The following ZCCHC8 variants were observed in gnomAD, a reference collection of about 807,000 sequenced individuals.
ZCCHC8 encodes the protein zinc finger CCHC-type containing 8, also known as zinc finger CCHC domain-containing protein 8.
A neutral mutation model predicts 70.6 loss-of-function variants in ZCCHC8; 27 were observed. That is an observed-to-expected ratio of 0.38 (90% CI 0.28 to 0.53). The LOEUF (loss-of-function observed/expected upper bound fraction) is 0.53, where lower values mean the gene tolerates loss of function less well. Among genes scored for constraint, ZCCHC8 ranks in the 20% least tolerant of loss-of-function variants. The pLI is 0.81. For synonymous variants in ZCCHC8, 293 were observed against 317.4 expected, an observed-to-expected ratio of 0.92 and a Z score of 0.82; for missense variants, 737 against 876.9, an observed-to-expected ratio of 0.84 and a Z score of 2.01.
intron 3 of ZCCHC8, chr12:122,490,840 T>C (rs1476907313): frequency 4.2e-6 from 1 of 239,064 alleles, no homozygotes; most frequent in Non-Finnish European, 8.0e-6. Flanking sequence ...TATTTAAAAA[T>C]TCTGTGTACT....
Position 122,500,668 on chromosome 12 carries a change from T to A in ZCCHC8, c.173A>T (p.Glu58Val). The change falls in exon 1 of 14, where the codon GAG (glutamate) becomes GTG (valine). Residue 58 changes from glutamate to valine, a missense_variant. Physicochemically the swap from Glu to Val is moderately radical, Grantham distance 121. Transcript: ENST00000633063. This position sits in a 1 kb window ranked among gnomAD's most constrained non-coding sequence, Gnocchi z 4.8. ...CTCGGCGCGGAGCTGCTCGATGGTC[T>A]CCTCGCACTGCCGAAGCCGCTCCCG... is the stretch of plus-strand genomic sequence containing the variant. ...ELRERLRQCE[E>V]TIEQLRAENQ... 2 of 1,580,788 alleles carry A rather than the reference T, an allele frequency of 1.3e-6. No individual in the cohort carries two copies. The highest frequency in any genetic ancestry group is 2.3e-5 in the East Asian group (1 of 43,010).
intron 13 of ZCCHC8, among the ~76,000 whole-genome samples, chr12:122,477,237 C>T (rs1199838373): frequency 6.8e-6 from 1 of 147,744 alleles, no homozygotes; most frequent in Non-Finnish European, 1.5e-5. Flanking sequence ...TCACTGCAAC[C>T]TCCACCTCCC....
In ZCCHC8 at chr12:122,500,890, T is replaced by G. The variant is rs1210997713; in HGVS notation, c.-50A>C. On this transcript the variant is annotated 5_prime_UTR_variant, in exon 1 of 14. Transcript: ENST00000633063. The surrounding 1 kb of genome is among the most constrained non-coding windows in gnomAD (Gnocchi z 4.8). ...AAGAGGCGGAGCCGGCCACCAGGGC[T>G]TGGGGAAGAAGGTTGGAAGGCGGCA... 2 of 1,539,244 alleles carry G rather than the reference T, an allele frequency of 1.3e-6. No individual in the cohort carries two copies. Among genetic ancestry groups the G allele is most frequent in the South Asian group, 2.4e-5 (2 of 83,758 alleles).
chr12:122,497,077 C>T (rs1957836716), intron 2 of ZCCHC8, among the ~76,000 whole-genome samples: 1 of 151,812 alleles, frequency 6.6e-6, no homozygotes, highest in Non-Finnish European at 1.5e-5. Flanking sequence ...TCGCTTGAAC[C>T]CAGGAGGTGG....
At chr12:122,484,070 T>C (rs1337619205) in intron 5 of ZCCHC8, 1 of 157,414 alleles carries the variant, frequency 6.4e-6, no homozygotes, top group Non-Finnish European at 1.4e-5. Context: ...TCTCTCTCTT[T>C]ACACATACAC....
chr12:122,495,200 TAGA>T (rs1424398891), intron 2 of ZCCHC8, among the ~76,000 whole-genome samples: 9 of 152,114 alleles, frequency 5.9e-5, no homozygotes, highest in Non-Finnish European at 8.8e-5. Flanking sequence ...ACAATAAAAG[TAGA>T]AGAAGGCCAG....
chr12:122,477,247 C>T (rs549140388), intron 13 of ZCCHC8, among the ~76,000 whole-genome samples: 1,619 of 147,524 alleles, frequency 0.011, 34 homozygotes, highest in African/African-American at 0.038. Context: ...CTCCACCTCC[C>T]TGGTTCATGC....
At chr12:122,478,603 C>A in intron 11 of ZCCHC8, 1 of 259,826 alleles carries the variant, frequency 3.8e-6, no homozygotes, top group Non-Finnish European at 7.4e-6. Context: ...AGTCTCTCTC[C>A]CATCAAGCAC....
rs1349273551 is a variant in ZCCHC8 at position 122,483,145 on chromosome 12, A to C, written c.671+134T>G. 1.2e-6 allele frequency: 1 copy of C among 800,278 alleles called. No homozygotes were observed. Among genetic ancestry groups the C allele is most frequent in the East Asian group, 2.7e-5 (1 of 37,508 alleles). The allele number at this position is 800,278 out of a possible 1,614,324, so 49.6% of individuals were successfully genotyped here. On this transcript the variant is annotated intron_variant, in intron 7 of 13. Transcript: ENST00000633063. The surrounding 1 kb of genome is among the most constrained non-coding windows in gnomAD (Gnocchi z 4.4). ...TTAAACATTTAACATATATGTATGG[A>C]TTAAAATTCTAGCTCAATCTGTAAT...
At chr12:122,491,952 C>T (rs1401636553) in intron 3 of ZCCHC8, among the ~76,000 whole-genome samples, 3 of 152,162 alleles carry the variant, frequency 2.0e-5, no homozygotes, top group Non-Finnish European at 4.4e-5. Flanking sequence ...AGTGCTACAG[C>T]CCAGTTGTGC....
intron 5 of ZCCHC8, among the ~76,000 whole-genome samples, chr12:122,486,412 CAAAAAAAAAA>C (rs762392385): frequency 2.0e-4 from 10 of 50,858 alleles, no homozygotes; most frequent in Admixed American, 2.7e-4. Flanking sequence ...GAGGCTGTCT[CAAAAAAAAAA>C]AAAAAAAAAA....
At chr12:122,489,975 T>C (rs1284918140) in intron 4 of ZCCHC8, among the ~76,000 whole-genome samples, 1 of 149,782 alleles carries the variant, frequency 6.7e-6, no homozygotes, top group African/African-American at 2.5e-5. Context: ...TACCTTAATT[T>C]TTAATAAAAA....
chr12:122,495,613 G>A (rs2137369592), intron 2 of ZCCHC8, among the ~76,000 whole-genome samples: 1 of 152,178 alleles, frequency 6.6e-6, no homozygotes, highest in East Asian at 1.9e-4. Flanking sequence ...ACTTTGGGAA[G>A]CCGAGGCGGG....
At chr12:122,495,740 C>A (rs548817084) in intron 2 of ZCCHC8, among the ~76,000 whole-genome samples, 1 of 150,730 alleles carries the variant, frequency 6.6e-6, no homozygotes, top group Non-Finnish European at 1.5e-5. Flanking sequence ...CCCAGCTGCT[C>A]GGGAGGCTGA....
Position 122,477,818 on chromosome 12 carries a change from C to T in ZCCHC8, c.1345+23G>A, listed in dbSNP as rs377594286. The T allele has an allele frequency of 1.6e-4, 196 of 1,250,972 alleles. No homozygotes were observed. In the African/African-American group the frequency reaches 2.6e-3, roughly 17 times the overall value. The allele number at this position is 1,250,972 out of a possible 1,614,324, so 77.5% of individuals were successfully genotyped here. A position where few individuals can be genotyped will look rare whatever the true frequency, so the allele number is the denominator to read the frequency against. ...AAAAAAAAAAAAAAAAGAGAGAAATCAGAGCCATAGGATGAAACCTACCTG... is the reference window on the plus strand; with the variant it reads ...AAAAAAAAAAAAAAAAGAGAGAAATTAGAGCCATAGGATGAAACCTACCTG... On this transcript the variant is annotated intron_variant, in intron 13 of 13. Transcript: ENST00000633063.
At position 122,500,665 on chromosome 12, in the gene ZCCHC8, G is replaced by T; in HGVS notation, c.176C>A (p.Thr59Asn). ...LRERLRQCEE[T>N]IEQLRAENQE... ...ATTCTCGGCGCGGAGCTGCTCGATG[G>T]TCTCCTCGCACTGCCGAAGCCGCTC... Residue 59 changes from threonine (T) to asparagine (N), a missense_variant, in exon 1 of 14, where the codon ACC becomes AAC. Thr to Asn is a moderately conservative substitution (Grantham distance 65, BLOSUM62 0). Transcript: ENST00000633063. The surrounding 1 kb of genome is among the most constrained non-coding windows in gnomAD (Gnocchi z 4.8). 2 of 1,580,074 alleles carry T rather than the reference G, an allele frequency of 1.3e-6. No homozygotes were observed. The highest frequency in any genetic ancestry group is 8.6e-7 in the Non-Finnish European group (1 of 1,164,218).
At position 122,478,138 on chromosome 12, in the gene ZCCHC8, G is replaced by A. The variant is rs188874646; in HGVS notation, c.1227+68C>T. 13 of 1,380,092 alleles carry A rather than the reference G, an allele frequency of 9.4e-6. No homozygotes were observed. The Middle Eastern group carries it at 5.3e-4, about 56-fold the overall frequency. The allele number at this position is 1,380,092 out of a possible 1,614,324, so 85.5% of individuals were successfully genotyped here. On this transcript the variant is annotated intron_variant, in intron 12 of 13. Transcript: ENST00000633063. Reference sequence around the variant, plus strand: ...ACAAAGCAAGAAAAGGCTGTAAGACGCTAATAAATTACACAATCTCGCAGA... The same window carrying A: ...ACAAAGCAAGAAAAGGCTGTAAGACACTAATAAATTACACAATCTCGCAGA...
Position 122,500,340 on chromosome 12 carries a change from T to A in ZCCHC8, c.199+302A>T. The A allele has an allele frequency of 1.0e-5, 4 of 390,858 alleles. 1 individual carries two copies. In the South Asian group the frequency reaches 1.3e-4, roughly 13 times the overall value. 24.2% of individuals were successfully genotyped at this position (390,858 alleles called of 1,614,324 possible). ...ACAGAGGGGGGCAATTAAGGGCTTG[T>A]GTACAATCTGTCAGGTGAGCAGCCT... On this transcript the variant is annotated intron_variant, in intron 1 of 13. Coordinates refer to ENST00000633063, the MANE Select transcript of ZCCHC8 (RefSeq NM_017612.5). The surrounding 1 kb of genome is among the most constrained non-coding windows in gnomAD (Gnocchi z 4.8).
Position 122,486,412 on chromosome 12 carries a change from CAAA to C in ZCCHC8, c.502-2852_502-2850del, listed in dbSNP as rs762392385. ...TGGGTGACAGAGCGAGAGGCTGTCT[CAAA>C]AAAAAAAAAAAAAAAAAAAAAAAGT... On this transcript the variant is annotated intron_variant, in intron 5 of 13. Transcript: ENST00000633063. Among the ~76,000 whole-genome samples the C allele has an allele frequency of 4.7e-3, 237 of 50,856 alleles. 2 individuals carry two copies. The East Asian group carries it at 0.083, about 18-fold the overall frequency. 33.4% of individuals were successfully genotyped at this position (50,856 alleles called of 152,430 possible). A position where few individuals can be genotyped will look rare whatever the true frequency, so the allele number is the denominator to read the frequency against.
Sources: allele counts gnomAD v4.1 joint callset (sites outside exome capture counted in the v4.1 genomes callset), GRCh38; gene constraint gnomAD v4.1.1; non-coding constraint Gnocchi (gnomAD v3.1); transcripts MANE v1.5; gene names NCBI Gene and HGNC (gene_info 2026-07-23, HGNC 2026-07-21).